GLIS3: variants seen among roughly 807,000 people sequenced by gnomAD.
The protein encoded by GLIS3 is GLIS family zinc finger 3, also known as zinc finger protein GLIS3.
Under a neutral mutation model 78.6 loss-of-function variants are expected in GLIS3, and 53 were observed. The ratio of observed to expected loss-of-function variants is 0.67; its 90% CI spans 0.54 to 0.85. The LOEUF (loss-of-function observed/expected upper bound fraction) is 0.85. Ranked by LOEUF, GLIS3 falls within the 40% of genes least tolerant of loss-of-function variation. The pLI, the probability that GLIS3 is intolerant of heterozygous loss-of-function variation, is 0.00. For missense variants in GLIS3, 1,703 were observed against 1,231.1 expected (o/e 1.38, Z -5.74); for synonymous variants, 684 against 509.9 (o/e 1.34, Z -4.60).
At chr9:4,168,983 C>G (rs1351776243) in intron 2 of GLIS3, among the ~76,000 whole-genome samples, 1 of 152,150 alleles carries the variant, frequency 6.6e-6, no homozygotes, top group African/African-American at 2.4e-5. Context: ...AACTGATGAG[C>G]TTTTTAAACT....
At chr9:4,092,827 C>T (rs981109614) in intron 4 of GLIS3, among the ~76,000 whole-genome samples, 2 of 152,264 alleles carry the variant, frequency 1.3e-5, no homozygotes, top group Middle Eastern at 3.4e-3. Context: ...ATAGTAAATA[C>T]ATAAAACAGC....
chr9:4,145,864 A>C (rs1834187636), intron 2 of GLIS3, among the ~76,000 whole-genome samples: 1 of 152,130 alleles, frequency 6.6e-6, no homozygotes, highest in African/African-American at 2.4e-5. Context: ...AGTAGAATTT[A>C]AACAATATAC....
intron 3 of GLIS3, among the ~76,000 whole-genome samples, chr9:4,122,108 T>C (rs893500408): frequency 6.6e-6 from 1 of 152,102 alleles, no homozygotes; most frequent in Non-Finnish European, 1.5e-5. Flanking sequence ...TCAGAAACCA[T>C]CAGCAAAAAT....
At chr9:4,045,216 T>C (rs899450030) in intron 4 of GLIS3, among the ~76,000 whole-genome samples, 3 of 152,178 alleles carry the variant, frequency 2.0e-5, no homozygotes, top group African/African-American at 7.2e-5. Flanking sequence ...TCGTAAGCCC[T>C]ATTACTTGAA....
At chr9:3,865,837 A>C (rs1160287289) in intron 8 of GLIS3, among the ~76,000 whole-genome samples, 4 of 152,342 alleles carry the variant, frequency 2.6e-5, no homozygotes, top group Admixed American at 2.0e-4. Flanking sequence ...AGGCATCCTA[A>C]TAGTTGGTTT....
intron 7 of GLIS3, among the ~76,000 whole-genome samples, chr9:3,884,879 A>G (rs12235312): frequency 0.2 from 30,664 of 152,062 alleles, 3,170 homozygotes; most frequent in African/African-American, 0.24. Flanking sequence ...TCAAGAAAAC[A>G]CATAAAAGTG....
chr9:4,260,361 T>C (rs1046727189), intron 2 of GLIS3, among the ~76,000 whole-genome samples: 4 of 151,882 alleles, frequency 2.6e-5, no homozygotes, highest in Non-Finnish European at 5.9e-5. Context: ...GGTCAGGAGT[T>C]CAAGACCAGC....
At chr9:4,296,994 C>A (rs189798591) in intron 1 of GLIS3, among the ~76,000 whole-genome samples, 3 of 151,366 alleles carry the variant, frequency 2.0e-5, no homozygotes, top group Non-Finnish European at 4.4e-5. Flanking sequence ...TTCATCGTGG[C>A]GGATTCTTTT....
At chr9:3,920,601 A>C (rs1294078498) in intron 6 of GLIS3, among the ~76,000 whole-genome samples, 2 of 138,056 alleles carry the variant, frequency 1.4e-5, no homozygotes, top group Non-Finnish European at 3.0e-5. Flanking sequence ...TTGAATATAA[A>C]AGAACAGGTT....
At chr9:4,063,623 G>A (rs1421833862) in intron 4 of GLIS3, among the ~76,000 whole-genome samples, 3 of 151,888 alleles carry the variant, frequency 2.0e-5, no homozygotes, top group Non-Finnish European at 2.9e-5. Context: ...CTGCATATTT[G>A]CTATTAACTC....
At chr9:4,244,784 C>G (rs1823644215) in intron 2 of GLIS3, among the ~76,000 whole-genome samples, 1 of 152,084 alleles carries the variant, frequency 6.6e-6, no homozygotes, top group African/African-American at 2.4e-5. Context: ...CCATGCTGGC[C>G]AGGCTGGTCT....
intron 4 of GLIS3, among the ~76,000 whole-genome samples, chr9:4,048,858 T>C (rs1172704296): frequency 6.6e-6 from 1 of 152,186 alleles, no homozygotes; most frequent in Non-Finnish European, 1.5e-5. Context: ...AGCGCTTTTC[T>C]AGAAACAGGC....
chr9:4,003,947 AC>A (rs1821331681), intron 4 of GLIS3, among the ~76,000 whole-genome samples: 1 of 152,212 alleles, frequency 6.6e-6, no homozygotes, highest in Admixed American at 6.5e-5. Context: ...TTTCATTAGT[AC>A]ATTCCACTTA....
chr9:4,388,853 G>T, the GLIS3 span, among the ~76,000 whole-genome samples: 1 of 152,152 alleles, frequency 6.6e-6, no homozygotes, highest in East Asian at 1.9e-4. Flanking sequence ...AATGACATTA[G>T]ATAGCTTTGG....
intron 8 of GLIS3, among the ~76,000 whole-genome samples, chr9:3,864,646 C>T (rs2130329342): frequency 6.6e-6 from 1 of 152,264 alleles, no homozygotes; most frequent in African/African-American, 2.4e-5. Flanking sequence ...ATAACATGTG[C>T]TGTTTATAGT....
chr9:3,863,494 C>G (rs1309912508), intron 8 of GLIS3, among the ~76,000 whole-genome samples: 2 of 152,170 alleles, frequency 1.3e-5, no homozygotes, highest in Non-Finnish European at 2.9e-5. Flanking sequence ...CCAAATAGTC[C>G]AAGAGCCTAA....
intron 4 of GLIS3, among the ~76,000 whole-genome samples, chr9:3,999,744 T>C (rs909509444): frequency 3.3e-5 from 5 of 152,142 alleles, no homozygotes; most frequent in African/African-American, 1.2e-4. Context: ...ACAGGATTTT[T>C]CAAGGACCTT....
chr9:4,066,938 T>C (rs529950613), intron 4 of GLIS3, among the ~76,000 whole-genome samples: 1 of 152,314 alleles, frequency 6.6e-6, no homozygotes, highest in Admixed American at 6.5e-5. Flanking sequence ...GGCAGGGAGC[T>C]TCTTGTTCAA....
chr9:3,923,231 A>G (rs1825007806), intron 6 of GLIS3, among the ~76,000 whole-genome samples: 1 of 152,212 alleles, frequency 6.6e-6, no homozygotes, highest in African/African-American at 2.4e-5. Flanking sequence ...TCTAAATCAC[A>G]GATCTGACCA....
Sources: allele counts gnomAD v4.1 joint callset (sites outside exome capture counted in the v4.1 genomes callset), GRCh38; gene constraint gnomAD v4.1.1; transcripts MANE v1.5; gene names NCBI Gene and HGNC (gene_info 2026-07-23, HGNC 2026-07-21).